Variants in DNAAF4 observed in about 807,000 individuals in gnomAD.
The protein encoded by DNAAF4 is dynein axonemal assembly factor 4.
A neutral mutation model predicts 51.8 loss-of-function variants in DNAAF4; 43 were observed. The ratio of observed to expected loss-of-function variants is 0.83; its 90% confidence interval spans 0.65 to 1.07. DNAAF4 has a LOEUF of 1.07. Ranked by LOEUF, DNAAF4 falls within the 50% of genes least tolerant of loss-of-function variation. DNAAF4 has a pLI of 0.00. For missense variants in DNAAF4, 581 were observed against 493.0 expected (o/e 1.18, Z -1.69); for synonymous variants, 194 against 165.6 (o/e 1.17, Z -1.32).
In DNAAF4 at chr15:55,443,152, C is replaced by A. The variant is rs1384489770; in HGVS notation, c.784-3571G>T. 18 of 1,610,726 alleles carry A rather than the reference C, an allele frequency of 1.1e-5. No individual in the cohort carries two copies. In the East Asian group the frequency reaches 2.9e-4, roughly 26 times the overall value. On this transcript the variant is annotated intron_variant, in intron 6 of 9. Coordinates refer to ENST00000321149, the MANE Select transcript of DNAAF4 (RefSeq NM_130810.4). ...CAAACGTTTCCAGGAGCCGTCTTCA[C>A]ATTTCTTCATAAACTGGTCAAAGAG...
At chr15:55,500,312 T>G (rs1056531476) in intron 1 of DNAAF4, among the ~76,000 whole-genome samples, 6 of 152,188 alleles carry the variant, frequency 3.9e-5, no homozygotes, top group Non-Finnish European at 2.9e-5. Flanking sequence ...CATCCTAGAC[T>G]TGCTTTCCCT....
chr15:55,464,058 T>C (rs2058133841), intron 5 of DNAAF4, among the ~76,000 whole-genome samples: 1 of 152,134 alleles, frequency 6.6e-6, no homozygotes, highest in Non-Finnish European at 1.5e-5. Flanking sequence ...CTTCAAACTA[T>C]ACTACAAGGC....
intron 5 of DNAAF4, among the ~76,000 whole-genome samples, chr15:55,452,627 C>T (rs980746371): frequency 7.2e-5 from 11 of 152,094 alleles, no homozygotes; most frequent in African/African-American, 2.4e-4. Context: ...CAAAGTTTTA[C>T]ATGCAATTTT....
chr15:55,490,972 C>T (rs74792041), intron 4 of DNAAF4, 151 bp downstream of exon 4: 2 of 829,012 alleles, frequency 2.4e-6, no homozygotes, highest in South Asian at 2.3e-5. Flanking sequence ...AAAAAACACA[C>T]ATATAAATAG....
At position 55,448,889 on chromosome 15, in the gene DNAAF4, T is replaced by A. The variant is rs188858484; in HGVS notation, c.783+1333A>T. Among the ~76,000 whole-genome samples, 135 of 151,170 alleles carry A rather than the reference T, an allele frequency of 8.9e-4. 1 individual carries two copies. The highest frequency in any genetic ancestry group is 2.5e-3 in the African/African-American group (105 of 41,208). ...CATCCCACAAAATAATAATAATTAT[T>A]ATTATTATTATAACTGTATAATTAT... On this transcript the variant is annotated intron_variant, in intron 6 of 9. Coordinates refer to ENST00000321149, the MANE Select transcript of DNAAF4 (RefSeq NM_130810.4).
chr15:55,498,944 G>GAAA (rs112482096), intron 1 of DNAAF4, among the ~76,000 whole-genome samples: 1 of 135,424 alleles, frequency 7.4e-6, no homozygotes, highest in African/African-American at 3.3e-5. Flanking sequence ...AAGAAAGAAA[G>GAAA]AAAAAAAAAA....
At chr15:55,419,659 T>C (rs1006750062) in intron 7 of DNAAF4, among the ~76,000 whole-genome samples, 2 of 152,184 alleles carry the variant, frequency 1.3e-5, no homozygotes, top group Admixed American at 6.6e-5. Context: ...GACTGTACTA[T>C]GCAAATAGAG....
At chr15:55,457,613 C>G (rs923665100) in intron 5 of DNAAF4, among the ~76,000 whole-genome samples, 1 of 152,180 alleles carries the variant, frequency 6.6e-6, no homozygotes, top group Non-Finnish European at 1.5e-5. Flanking sequence ...ACTCAAGCCA[C>G]CATAGCAACT....
intron 6 of DNAAF4, among the ~76,000 whole-genome samples, chr15:55,441,704 G>T (rs886285650): frequency 6.6e-6 from 1 of 152,036 alleles, no homozygotes; most frequent in Non-Finnish European, 1.5e-5. Context: ...GAGAATGATG[G>T]TTTCCAGCTT....
intron 1 of DNAAF4, among the ~76,000 whole-genome samples, chr15:55,501,701 G>A (rs1212885030): frequency 6.6e-6 from 1 of 150,776 alleles, no homozygotes; most frequent in East Asian, 2.0e-4. Flanking sequence ...AACATAAAAA[G>A]CACTCATTAG....
intron 8 of DNAAF4, among the ~76,000 whole-genome samples, chr15:55,433,927 A>AATC (rs2057553345): frequency 5.5e-4 from 1 of 1,822 alleles, no homozygotes; most frequent in African/African-American, 1.9e-3. Context: ...TATATATTAT[A>AATC]TTATATAAAA....
intron 4 of DNAAF4, among the ~76,000 whole-genome samples, chr15:55,473,496 C>G (rs1307938351): frequency 6.7e-6 from 1 of 150,274 alleles, no homozygotes; most frequent in Non-Finnish European, 1.5e-5. Flanking sequence ...ATAGGGGTAA[C>G]TTAACCTAGG....
chr15:55,498,490 C>T lies in DNAAF4; in HGVS notation c.-161G>A. 4 of 1,002,356 alleles carry T rather than the reference C, an allele frequency of 4.0e-6. No homozygotes were observed. Among genetic ancestry groups the T allele is most frequent in the East Asian group, 3.2e-5 (1 of 30,842 alleles). The allele number at this position is 1,002,356 out of a possible 1,614,324, so 62.1% of individuals were successfully genotyped here. A position where few individuals can be genotyped will look rare whatever the true frequency, so the allele number is the denominator to read the frequency against. On this transcript the variant is annotated 5_prime_UTR_variant, in exon 2 of 10. Coordinates refer to ENST00000321149, the MANE Select transcript of DNAAF4 (RefSeq NM_130810.4). ...GCGCCAGCACCTCGCGGACTCCATG[C>T]GTGACTATCCAGGCGCCCAGACCAG...
chr15:55,453,330 C>G (rs554496603), intron 5 of DNAAF4, among the ~76,000 whole-genome samples: 1 of 152,104 alleles, frequency 6.6e-6, no homozygotes, highest in East Asian at 1.9e-4. Context: ...GGCAAAAAAG[C>G]ACAATTCACA....
In DNAAF4 at chr15:55,491,113, T is replaced by G. The variant is rs762693941; in HGVS notation, c.405+10A>C. The G allele has an allele frequency of 1.3e-5, 21 of 1,613,934 alleles. No homozygotes were observed. Among genetic ancestry groups the G allele is most frequent in the Middle Eastern group, 1.6e-4 (1 of 6,084 alleles). ...TCTTTAGAGGACTTGCCTGTCATTC[T>G]GCAACTTACCTTCATCATGACACTT... On this transcript the variant is annotated intron_variant, in intron 4 of 9. Transcript: ENST00000321149.
intron 5 of DNAAF4, among the ~76,000 whole-genome samples, chr15:55,457,262 G>A (rs1043509283): frequency 5.9e-5 from 9 of 152,150 alleles, no homozygotes; most frequent in Non-Finnish European, 1.2e-4. Context: ...CTGGGAGCTA[G>A]GTGAGGCCTG....
intron 8 of DNAAF4, 150 bp from the exon 9 acceptor site, chr15:55,432,752 C>A: frequency 1.7e-6 from 1 of 575,564 alleles, no homozygotes; most frequent in East Asian, 2.9e-5. Context: ...TTGAGACCAG[C>A]CTGGCCAACA....
At chr15:55,501,518 G>A (rs138650708) in intron 1 of DNAAF4, among the ~76,000 whole-genome samples, 1,534 of 150,764 alleles carry the variant, frequency 0.01, 20 homozygotes, top group African/African-American at 0.035. Flanking sequence ...TGGGACTACA[G>A]GTGCCCGCCA....
intron 4 of DNAAF4, among the ~76,000 whole-genome samples, chr15:55,467,871 T>C (rs2058192192): frequency 6.6e-6 from 1 of 152,016 alleles, no homozygotes; most frequent in Non-Finnish European, 1.5e-5. Context: ...CTTTCAAACT[T>C]CCCTCACATG....
Sources: allele counts gnomAD v4.1 joint callset (sites outside exome capture counted in the v4.1 genomes callset), GRCh38; gene constraint gnomAD v4.1.1; transcripts MANE v1.5; gene names NCBI Gene and HGNC (gene_info 2026-07-23, HGNC 2026-07-21).